Variants in RPS19 observed in about 807,000 individuals in gnomAD.
The protein encoded by RPS19 is ribosomal protein S19.
RPS19 carries 1 observed loss-of-function variant against 20.3 expected under a neutral mutation model. The ratio of observed to expected loss-of-function variants is 0.05; its 90% confidence interval spans 0.02 to 0.23. The LOEUF (loss-of-function observed/expected upper bound fraction) is 0.23. Ranked by LOEUF, RPS19 falls within the 10% of genes least tolerant of loss-of-function variation. RPS19 has a pLI of 1.00. For synonymous variants in RPS19, 87 were observed against 74.8 expected (o/e 1.16, Z -0.84); for missense variants, 111 against 192.7 (o/e 0.58, Z 2.51).
intron 5 of RPS19, among the ~76,000 whole-genome samples, chr19:41,870,906 A>C (rs1207773335): frequency 8.7e-6 from 1 of 115,074 alleles, no homozygotes; most frequent in South Asian, 3.1e-4. Context: ...TCTGTCGCCC[A>C]GGCTGGAGTG....
chr19:41,868,792 A>C (rs1555841215), intron 3 of RPS19, among the ~76,000 whole-genome samples: 1 of 151,810 alleles, frequency 6.6e-6, no homozygotes, highest in Non-Finnish European at 1.5e-5. Flanking sequence ...GATAGTAACC[A>C]CTAAAGAAGT....
At chr19:41,865,624 G>A (rs1005851175) in intron 3 of RPS19, among the ~76,000 whole-genome samples, 7 of 152,096 alleles carry the variant, frequency 4.6e-5, no homozygotes, top group African/African-American at 7.2e-5. Context: ...GCATCTCTGC[G>A]CTTAGGAGTG....
intron 1 of RPS19, 192 bp from the exon 2 acceptor site, chr19:41,860,583 A>G (rs2074017405): frequency 4.5e-6 from 3 of 672,056 alleles, no homozygotes; most frequent in Admixed American, 2.1e-5. Flanking sequence ...AGTGCGATCC[A>G]GAGAGGCCGT....
chr19:41,866,054 C>A (rs1244487051), intron 3 of RPS19, among the ~76,000 whole-genome samples: 1 of 151,466 alleles, frequency 6.6e-6, no homozygotes, highest in African/African-American at 2.4e-5. Flanking sequence ...GAGTTTGAGA[C>A]CAGCCTGGCC....
chr19:41,867,098 A>T (rs1555840876), intron 3 of RPS19, among the ~76,000 whole-genome samples: 1 of 151,766 alleles, frequency 6.6e-6, no homozygotes. Flanking sequence ...TGGGTGGTTC[A>T]CTTCACTCCA....
rs2074139987 is a variant in RPS19, at chr19:41,870,848, C to CTTTTTTTTTT, written c.412-503_412-502insTTTTTTTTTT. Among the ~76,000 whole-genome samples, 7 of 85,762 alleles carry CTTTTTTTTTT rather than the reference C, an allele frequency of 8.2e-5. 1 individual carries two copies. Among genetic ancestry groups the CTTTTTTTTTT allele is most frequent in the African/African-American group, 2.7e-4 (6 of 22,538 alleles). 56.3% of individuals were successfully genotyped at this position (85,762 alleles called of 152,430 possible). On this transcript the variant is annotated intron_variant, in intron 5 of 5. Transcript: ENST00000598742. ...TTGGACTCCACTCCGCCACTCCCTT[C>CTTTTTTTTTT]CTTTTTTTTTTTTTTTTTTTTTTTT...
At chr19:41,871,290 T>A (rs1555841958) in intron 5 of RPS19, 61 bp from the exon 6 acceptor site, 1 of 1,532,858 alleles carries the variant, frequency 6.5e-7, no homozygotes, top group African/African-American at 1.4e-5. Flanking sequence ...AGGTAGCTGT[T>A]ACAAAGTGCC....
intron 2 of RPS19, 58 bp from the exon 3 acceptor site, chr19:41,861,054 A>G: frequency 1.5e-6 from 2 of 1,342,410 alleles, no homozygotes; most frequent in Non-Finnish European, 2.1e-6. Flanking sequence ...GGCATTTGGG[A>G]TATGGGGTAG....
In RPS19 at chr19:41,869,670, G is replaced by A. The variant is rs369971901; in HGVS notation, c.357-29G>A. ...CTGAGAACAGGACCTGTGCTCACTG[G>A]GGCCTGCATGACCCTTCCCTCCCCA... On this transcript the variant is annotated intron_variant, in intron 4 of 5. Coordinates refer to ENST00000598742, the MANE Select transcript of RPS19 (RefSeq NM_001022.4). The A allele has an allele frequency of 5.8e-5, 94 of 1,612,272 alleles. No individual in the cohort carries two copies. The African/African-American group carries it at 1.2e-3, about 20-fold the overall frequency.
chr19:41,860,934 G>A, intron 2 of RPS19, 89 bp downstream of exon 2: 2 of 1,320,708 alleles, frequency 1.5e-6, no homozygotes, highest in Non-Finnish European at 2.2e-6. Flanking sequence ...TCCCTGGCAG[G>A]CGAGGCTTGT....
chr19:41,863,325 C>T (rs1373756528), intron 3 of RPS19, among the ~76,000 whole-genome samples: 2 of 152,318 alleles, frequency 1.3e-5, no homozygotes, highest in Non-Finnish European at 2.9e-5. Context: ...ACATGTTCCA[C>T]CCAGTTTGGC....
At chr19:41,865,124 T>C (rs782599949) in intron 3 of RPS19, among the ~76,000 whole-genome samples, 5 of 152,142 alleles carry the variant, frequency 3.3e-5, no homozygotes, top group Non-Finnish European at 7.3e-5. Context: ...AATAGGCCTT[T>C]GGGAGGCCAA....
intron 3 of RPS19, among the ~76,000 whole-genome samples, chr19:41,862,860 C>A (rs1341937350): frequency 6.6e-6 from 1 of 152,098 alleles, no homozygotes; most frequent in African/African-American, 2.4e-5. Flanking sequence ...CTCACTTGCC[C>A]AGCTGTCCTA....
chr19:41,864,874 T>G (rs1363650950), intron 3 of RPS19: 1 of 152,214 alleles, frequency 6.6e-6, no homozygotes, highest in Non-Finnish European at 1.5e-5. Flanking sequence ...GGCTGGAACC[T>G]TGGTCTCCAG....
chr19:41,864,875 T>G (rs1297250988), intron 3 of RPS19: 5 of 152,232 alleles, frequency 3.3e-5, no homozygotes, highest in Admixed American at 6.5e-5. Context: ...GCTGGAACCT[T>G]GGTCTCCAGG....
chr19:41,863,672 G>C (rs142208356), intron 3 of RPS19, among the ~76,000 whole-genome samples: 54 of 152,132 alleles, frequency 3.5e-4, no homozygotes, highest in African/African-American at 1.3e-3. Context: ...CCTCTTGAGG[G>C]TGGTCTGGAA....
In RPS19 at chr19:41,872,027, A is replaced by T. The variant is rs1383054303; in HGVS notation, c.*650A>T. On this transcript the variant is annotated 3_prime_UTR_variant, in exon 6 of 6. Transcript: ENST00000598742. ...AATGGTCCTTGAGCCTTCACTCTGC[A>T]TCTGAGCGGTCTTGGGCCCGCTGAG... The T allele has an allele frequency of 6.5e-6, 1 of 152,964 alleles. No individual in the cohort carries two copies. The highest frequency in any genetic ancestry group is 1.9e-4 in the East Asian group (1 of 5,202). The allele number at this position is 152,964 out of a possible 1,614,324, so 9.5% of individuals were successfully genotyped here.
At chr19:41,861,514 C>T (rs2074032063) in intron 3 of RPS19, 1 of 407,582 alleles carries the variant, frequency 2.5e-6, no homozygotes, top group Non-Finnish European at 4.6e-6. Context: ...CGGAGGCAGA[C>T]TCCCTGGGTT....
At chr19:41,867,250 A>G (rs2074100212) in intron 3 of RPS19, among the ~76,000 whole-genome samples, 3 of 151,990 alleles carry the variant, frequency 2.0e-5, no homozygotes, top group Admixed American at 2.0e-4. Flanking sequence ...TGGGTGACAG[A>G]ATGATGCCCT....
Sources: allele counts gnomAD v4.1 joint callset (sites outside exome capture counted in the v4.1 genomes callset), GRCh38; gene constraint gnomAD v4.1.1; transcripts MANE v1.5; gene names NCBI Gene and HGNC (gene_info 2026-07-23, HGNC 2026-07-21).